MAPK8IP3: variants seen among roughly 807,000 people sequenced by gnomAD.
MAPK8IP3 encodes C-Jun-amino-terminal kinase-interacting protein 3.
MAPK8IP3 carries 49 observed loss-of-function variants against 157.8 expected under a neutral mutation model. The observed-to-expected ratio is 0.31, with a 90% CI of 0.25 to 0.39. The LOEUF (loss-of-function observed/expected upper bound fraction) is 0.39. Among genes scored for constraint, MAPK8IP3 ranks in the 10% least tolerant of loss-of-function variants. The pLI is 1.00. For missense variants in MAPK8IP3, 1,478 were observed against 1,889.4 expected (o/e 0.78, Z 4.04); for synonymous variants, 897 against 777.7 (o/e 1.15, Z -2.55).
rs113980620 is a variant in MAPK8IP3, at chr16:1,762,513, C to T, written c.1670+32C>T. On this transcript the variant is annotated intron_variant, in intron 14 of 31. Coordinates refer to ENST00000610761, the MANE Select transcript of MAPK8IP3 (RefSeq NM_001318852.2). Reference sequence around the variant, plus strand: ...GTTGCGGCCACCCCAGGAGGGGCTGCGGGATCATCCCTGACGGCAGGACTG... The same window carrying T: ...GTTGCGGCCACCCCAGGAGGGGCTGTGGGATCATCCCTGACGGCAGGACTG... The T allele has an allele frequency of 3.2e-4, 519 of 1,610,118 alleles. 3 individuals carry two copies. In the African/African-American group the frequency reaches 5.5e-3, roughly 17 times the overall value.
rs547896182 is a variant in MAPK8IP3, at chr16:1,758,065, A to G, written c.1217-83A>G. ...GAATCATTGCTGGGTTTTCTGTAAT[A>G]AGAATGTATTGTTAGTTCCAGTCCC... On this transcript the variant is annotated intron_variant, in intron 8 of 31. Transcript: ENST00000610761. 1.3e-5 allele frequency: 18 copies of G among 1,388,994 alleles called. No individual in the cohort carries two copies. The African/African-American group carries it at 1.6e-4, about 12-fold the overall frequency. The allele number at this position is 1,388,994 out of a possible 1,614,324, so 86.0% of individuals were successfully genotyped here.
At chr16:1,721,504 CTCACTGCAGCCCCGACCTCCTGGGG>C (rs1427248933) in intron 1 of MAPK8IP3, among the ~76,000 whole-genome samples, 1 of 152,110 alleles carries the variant, frequency 6.6e-6, no homozygotes, top group Non-Finnish European at 1.5e-5. Flanking sequence ...AGCCTCAGGG[CTCACTGCAGCCCCGACCTCCTGGGG>C]TCACTGCAGC....
At position 1,730,015 on chromosome 16, in the gene MAPK8IP3, C is replaced by T. The variant is rs190790037; in HGVS notation, c.602+437C>T. On this transcript the variant is annotated intron_variant, in intron 4 of 31. Coordinates refer to ENST00000610761, the MANE Select transcript of MAPK8IP3 (RefSeq NM_001318852.2). ...CTTGAGCCCAGGAGTTCGAGCTCAG[C>T]TTGGGCAACCAGCAAGATCTTGTCT... Among the ~76,000 whole-genome samples the T allele has an allele frequency of 9.3e-5, 11 of 118,130 alleles. No individual in the cohort carries two copies. In the East Asian group the frequency reaches 3.0e-3, roughly 32 times the overall value. 77.5% of individuals were successfully genotyped at this position (118,130 alleles called of 152,430 possible). A position where few individuals can be genotyped will look rare whatever the true frequency, so the allele number is the denominator to read the frequency against.
intron 22 of MAPK8IP3, 27 bp from the exon 23 acceptor site, chr16:1,766,502 C>A (rs773267198): frequency 3.5e-5 from 56 of 1,608,980 alleles, no homozygotes; most frequent in Non-Finnish European, 3.2e-5. Context: ...TCCGTGGCCC[C>A]CCCTGGAGCC....
rs1234199034 is a variant in MAPK8IP3 at position 1,731,440 on chromosome 16, A to G, written c.602+1862A>G. ...GCTGGCTCCCCACAGAGGTGGGACA[A>G]GGCGATGCTCTGCCCTCCTCTTCAC... On this transcript the variant is annotated intron_variant, in intron 4 of 31. Transcript: ENST00000610761. 2.0e-5 allele frequency among the ~76,000 whole-genome samples: 3 copies of G among 152,230 alleles called. No individual in the cohort carries two copies. In the East Asian group the frequency reaches 5.8e-4, roughly 29 times the overall value.
rs763939482 is a variant in MAPK8IP3, at chr16:1,763,673, G to A, written c.1915G>A (p.Ala639Thr). 1.9e-6 allele frequency: 3 copies of A among 1,580,138 alleles called. No homozygotes were observed. Among genetic ancestry groups the A allele is most frequent in the Admixed American group, 3.5e-5 (2 of 56,480 alleles). The change falls in exon 17 of 32, where the codon GCC (alanine) becomes ACC (threonine). Residue 639 changes from alanine to threonine, a missense_variant. By Grantham distance (58) the Ala-to-Thr change is moderately conservative. Around this residue, in one of 11 missense-constraint regions of MAPK8IP3, gnomAD observed 669 missense variants for 759.8 expected, o/e 0.88. Transcript: ENST00000610761. Reference sequence around the variant, plus strand: ...TCCACTCAGCGACTGCACGTCCTCCGCCCGTCGAGAGCAGAAGCGCGAGCA... The same window carrying A: ...TCCACTCAGCGACTGCACGTCCTCCACCCGTCGAGAGCAGAAGCGCGAGCA... ...FFPDDDCTSS[A>T]RREQKREQYR...
At chr16:1,725,647 A>T (rs1006647453) in intron 2 of MAPK8IP3, among the ~76,000 whole-genome samples, 1 of 152,036 alleles carries the variant, frequency 6.6e-6, no homozygotes, top group African/African-American at 2.4e-5. Context: ...GAAAAAATTT[A>T]AAAAAGAAGA....
intron 1 of MAPK8IP3, among the ~76,000 whole-genome samples, chr16:1,708,657 T>G (rs2037556463): frequency 6.6e-6 from 1 of 152,102 alleles, no homozygotes; most frequent in South Asian, 2.1e-4. Flanking sequence ...TGCGTGTGGT[T>G]TGCAAAGCTA....
At chr16:1,744,967 T>C in intron 5 of MAPK8IP3, 2 of 985,134 alleles carry the variant, frequency 2.0e-6, no homozygotes, top group Non-Finnish European at 2.4e-6. Context: ...TTTTATGTAC[T>C]GTATTTTCAG....
At chr16:1,759,809 G>A (rs1413403084) in intron 10 of MAPK8IP3, 149 bp from the exon 11 acceptor site, 4 of 688,364 alleles carry the variant, frequency 5.8e-6, no homozygotes, top group Non-Finnish European at 1.0e-5. Context: ...CATGAGCCCC[G>A]CCCTTCACGG....
chr16:1,727,326 C>T (rs531704584), intron 2 of MAPK8IP3, among the ~76,000 whole-genome samples: 204 of 145,420 alleles, frequency 1.4e-3, no homozygotes, highest in African/African-American at 5.0e-3. Flanking sequence ...CTGTGTGCGG[C>T]GTCTGTGTGA....
Position 1,745,268 on chromosome 16 carries a change from T to C in MAPK8IP3, c.748-1761T>C, listed in dbSNP as rs1432770423. 3 of 759,436 alleles carry C rather than the reference T, an allele frequency of 4.0e-6. No homozygotes were observed. In the African/African-American group the frequency reaches 5.7e-5, roughly 14 times the overall value. The allele number at this position is 759,436 out of a possible 1,614,324, so 47.0% of individuals were successfully genotyped here. A position where few individuals can be genotyped will look rare whatever the true frequency, so the allele number is the denominator to read the frequency against. ...GAGGAAGGTGGCCCAGAAGCGTTTG[T>C]CTGATGTGCACAGCTACACCCTGCC... On this transcript the variant is annotated intron_variant, in intron 5 of 31. Transcript: ENST00000610761.
At chr16:1,723,266 C>T (rs1298256886) in intron 1 of MAPK8IP3, among the ~76,000 whole-genome samples, 2 of 151,650 alleles carry the variant, frequency 1.3e-5, no homozygotes, top group African/African-American at 2.4e-5. Context: ...AACTCCTGAG[C>T]TCACATGATC....
At chr16:1,723,181 G>A (rs969419444) in intron 1 of MAPK8IP3, among the ~76,000 whole-genome samples, 3 of 151,838 alleles carry the variant, frequency 2.0e-5, no homozygotes, top group African/African-American at 7.3e-5. Context: ...TTATAGGTGT[G>A]TGCCACCACA....
chr16:1,727,526 C>A (rs996193611), intron 2 of MAPK8IP3, among the ~76,000 whole-genome samples: 30 of 151,444 alleles, frequency 2.0e-4, no homozygotes, highest in Admixed American at 1.8e-3. Context: ...GGTGCTGTGT[C>A]TAAGTCGTGC....
chr16:1,768,775 C>T lies in MAPK8IP3; in HGVS notation c.3965C>T (p.Ala1322Val). ...CAGGTGAAGCCCGTGCTGTCCAAGG[C>T]AGAGCGCAGTCACATCATCGTGTGG... ...MSQVKPVLSK[A>V]ERSHIIVWQV... Residue 1322 changes from alanine (A) to valine (V), a missense_variant, in exon 32 of 32, where the codon GCA becomes GTA. Coordinates refer to ENST00000610761, the MANE Select transcript of MAPK8IP3 (RefSeq NM_001318852.2). The T allele has an allele frequency of 6.2e-7, 1 of 1,612,742 alleles. No homozygotes were observed. Among genetic ancestry groups the T allele is most frequent in the Admixed American group, 1.7e-5 (1 of 60,010 alleles).
At chr16:1,758,952 C>G in intron 9 of MAPK8IP3, 26 bp from the exon 10 acceptor site, 2 of 1,614,100 alleles carry the variant, frequency 1.2e-6, no homozygotes, top group Non-Finnish European at 1.7e-6. Context: ...TTGCCCATCT[C>G]CTGTGGGACG....
chr16:1,766,175 A>T (rs367764193), intron 21 of MAPK8IP3, 33 bp downstream of exon 21: 1 of 1,602,016 alleles, frequency 6.2e-7, no homozygotes, highest in East Asian at 2.2e-5. Flanking sequence ...CCATCCCCTC[A>T]TTCCCACGTT....
intron 19 of MAPK8IP3, among the ~76,000 whole-genome samples, chr16:1,764,809 T>G (rs1239276235): frequency 6.6e-6 from 1 of 152,128 alleles, no homozygotes; most frequent in Non-Finnish European, 1.5e-5. Context: ...AGGGGCCTCT[T>G]CTGTGGAGGC....
Sources: gnomAD v4.1 joint callset for allele counts (sites outside exome capture counted in the v4.1 genomes callset) on GRCh38, gnomAD v4.1.1 for gene constraint, gnomAD v4.1.1 regional missense constraint, MANE v1.5 for transcripts, NCBI Gene and HGNC (gene_info 2026-07-23, HGNC 2026-07-21) for gene names.